The following RBFOX3 variants were observed in gnomAD, a reference collection of about 807,000 sequenced individuals.
RBFOX3 encodes the protein RNA binding fox-1 homolog 3.
Under a neutral mutation model 48.7 loss-of-function variants are expected in RBFOX3, and 17 were observed. That is an observed-to-expected ratio of 0.35 (90% CI 0.24 to 0.52). The LOEUF is 0.52. Among genes scored for constraint, RBFOX3 ranks in the 20% least tolerant of loss-of-function variants. RBFOX3 has a pLI of 0.94. For synonymous variants in RBFOX3, 212 were observed against 209.5 expected, an observed-to-expected ratio of 1.01 and a Z score of -0.10; for missense variants, 382 against 497.5, an observed-to-expected ratio of 0.77 and a Z score of 2.21.
At chr17:79,469,075 A>G (rs1176920474) in intron 2 of RBFOX3, among the ~76,000 whole-genome samples, 4 of 152,188 alleles carry the variant, frequency 2.6e-5, no homozygotes, top group Non-Finnish European at 4.4e-5. Context: ...TGACAGACTG[A>G]CAGATAGATA....
At position 79,418,240 on chromosome 17, in the gene RBFOX3, CA is replaced by C. The variant is rs1471024373; in HGVS notation, c.-175+64213del. ...TGTTATGCATATTTTACCACAACGA[CA>C]AAAAGTTTTTTCCAATCGCAGGGAT... On this transcript the variant is annotated intron_variant, in intron 2 of 14. Transcript: ENST00000693108. The surrounding 1 kb of genome is among the most constrained non-coding windows in gnomAD (Gnocchi z 5.0). Among the ~76,000 whole-genome samples the C allele has an allele frequency of 6.6e-6, 1 of 152,230 alleles. No individual in the cohort carries two copies. Among genetic ancestry groups the C allele is most frequent in the African/African-American group, 2.4e-5 (1 of 41,452 alleles).
At chr17:79,181,561 G>A (rs867554806) in intron 4 of RBFOX3, among the ~76,000 whole-genome samples, 4 of 152,332 alleles carry the variant, frequency 2.6e-5, no homozygotes, top group Middle Eastern at 6.8e-3. Context: ...GGAGTCCCCA[G>A]ATGTCACAGG....
intron 2 of RBFOX3, among the ~76,000 whole-genome samples, chr17:79,437,536 C>G (rs1555731934): frequency 1.3e-5 from 2 of 152,208 alleles, no homozygotes; most frequent in East Asian, 1.9e-4. Flanking sequence ...CCCGGGACAC[C>G]CGGTAGGAGC....
At chr17:79,408,419 A>G (rs926737802) in intron 2 of RBFOX3, among the ~76,000 whole-genome samples, 2 of 152,206 alleles carry the variant, frequency 1.3e-5, no homozygotes, top group African/African-American at 4.8e-5. Context: ...AGGCTGGAGC[A>G]ACCAGCGGGC....
chr17:79,200,153 A>C (rs1599939401), intron 4 of RBFOX3, among the ~76,000 whole-genome samples: 3 of 103,268 alleles, frequency 2.9e-5, no homozygotes, highest in South Asian at 7.3e-4. Flanking sequence ...ACAGAGCGAG[A>C]CTCCGTCTCA....
At position 79,103,098 on chromosome 17, in the gene RBFOX3, G is replaced by A. The variant is rs1190915362; in HGVS notation, c.507+64C>T. On this transcript the variant is annotated intron_variant, in intron 8 of 14. Coordinates refer to ENST00000693108, the MANE Select transcript of RBFOX3 (RefSeq NM_001350451.2). This position sits in a 1 kb window ranked among gnomAD's most constrained non-coding sequence, Gnocchi z 6.1. Reference sequence around the variant, plus strand: ...CGGCAGTGGCAGGGCTGGTTGGTTGGGGGAGCTGGGGGGCAGGTGGGCGAT... The same window carrying A: ...CGGCAGTGGCAGGGCTGGTTGGTTGAGGGAGCTGGGGGGCAGGTGGGCGAT... 34 of 1,248,618 alleles carry A rather than the reference G, an allele frequency of 2.7e-5. No individual in the cohort carries two copies. Among genetic ancestry groups the A allele is most frequent in the South Asian group, 2.3e-4 (18 of 77,118 alleles). The allele number at this position is 1,248,618 out of a possible 1,614,324, so 77.3% of individuals were successfully genotyped here. A position where few individuals can be genotyped will look rare whatever the true frequency, so the allele number is the denominator to read the frequency against.
chr17:79,393,937 A>G (rs527510066), intron 2 of RBFOX3, among the ~76,000 whole-genome samples: 1 of 110,490 alleles, frequency 9.1e-6, no homozygotes, highest in African/African-American at 3.1e-5. Context: ...GCCGGTCATC[A>G]TACACATCAT....
chr17:79,411,618 G>A (rs143835697), intron 2 of RBFOX3, among the ~76,000 whole-genome samples: 49 of 152,152 alleles, frequency 3.2e-4, no homozygotes, highest in Middle Eastern at 6.8e-3. Context: ...CGGTCCCCAC[G>A]CCCCCACCTG....
chr17:79,269,590 C>G (rs4789983), intron 3 of RBFOX3, among the ~76,000 whole-genome samples: 13,179 of 151,538 alleles, frequency 0.087, 963 homozygotes, highest in East Asian at 0.43. Flanking sequence ...CCCTGGGGAT[C>G]GTCCCATCCA....
intron 2 of RBFOX3, among the ~76,000 whole-genome samples, chr17:79,417,338 C>A (rs1366039497): frequency 6.6e-6 from 1 of 152,180 alleles, no homozygotes; most frequent in East Asian, 1.9e-4. Flanking sequence ...AAAGAAGGGG[C>A]CTGGCTCTGC....
At chr17:79,509,718 G>A (rs985260033) in intron 1 of RBFOX3, among the ~76,000 whole-genome samples, 2 of 151,750 alleles carry the variant, frequency 1.3e-5, no homozygotes, top group Non-Finnish European at 1.5e-5. Flanking sequence ...CCAGGCCCTC[G>A]GTGACAGCTG....
In RBFOX3 at chr17:79,115,542, T is replaced by C. The variant is rs1006997013; in HGVS notation, c.174A>G (p.Pro58=). 4 of 1,343,998 alleles carry C rather than the reference T, an allele frequency of 3.0e-6. No individual in the cohort carries two copies. The highest frequency in any genetic ancestry group is 3.8e-6 in the Non-Finnish European group (4 of 1,045,200). The allele number at this position is 1,343,998 out of a possible 1,614,324, so 83.3% of individuals were successfully genotyped here. ...TGGGCTGTGTGCTGGCCTCGGAGCC[T>C]GGCTGCTCGGGGTGGGTCTGTGCTG... is the stretch of plus-strand genomic sequence containing the variant. ...YTPAQTHPEQ[P]GSEASTQPIA... is the part of the protein sequence containing the mutation. The change falls in exon 5 of 15, where the codon CCA becomes CCG. Residue 58 remains proline, a synonymous_variant. Coordinates refer to ENST00000693108, the MANE Select transcript of RBFOX3 (RefSeq NM_001350451.2).
chr17:79,117,107 C>T (rs910033324), intron 4 of RBFOX3, among the ~76,000 whole-genome samples: 1 of 152,180 alleles, frequency 6.6e-6, no homozygotes, highest in African/African-American at 2.4e-5. Flanking sequence ...CTCCTCCACT[C>T]GCTGTCCTCC....
At chr17:79,367,096 C>T (rs946946663) in intron 2 of RBFOX3, among the ~76,000 whole-genome samples, 5 of 152,306 alleles carry the variant, frequency 3.3e-5, no homozygotes, top group South Asian at 2.1e-4. Flanking sequence ...CTGCTGCCCT[C>T]GCTCCCACAT....
In RBFOX3 at chr17:79,220,837, G is replaced by C. The variant is rs1304774886; in HGVS notation, c.-34+14929C>G. ...AAGCAGCTCCTGCAGAGGCGGGGCG[G>C]CTCTCCAGGCCTGGAGCGTGGGCCA... On this transcript the variant is annotated intron_variant, in intron 4 of 14. Coordinates refer to ENST00000693108, the MANE Select transcript of RBFOX3 (RefSeq NM_001350451.2). The surrounding 1 kb of genome is among the most constrained non-coding windows in gnomAD (Gnocchi z 5.9). 1.3e-5 allele frequency among the ~76,000 whole-genome samples: 2 copies of C among 152,082 alleles called. No homozygotes were observed. Among genetic ancestry groups the C allele is most frequent in the Non-Finnish European group, 2.9e-5 (2 of 68,018 alleles).
intron 2 of RBFOX3, among the ~76,000 whole-genome samples, chr17:79,459,362 C>G (rs1431836692): frequency 6.6e-6 from 1 of 152,184 alleles, no homozygotes; most frequent in African/African-American, 2.4e-5. Context: ...GTTCAGGACT[C>G]TCTTCCCTCC....
Position 79,535,301 on chromosome 17 carries a change from A to G in RBFOX3, c.-319-52703T>C. Reference sequence around the variant, plus strand: ...TCCCGTCCTCCCTTTCCTGAAAGACACTCTCTTTGACTCATTGGCCAGATC... The same window carrying G: ...TCCCGTCCTCCCTTTCCTGAAAGACGCTCTCTTTGACTCATTGGCCAGATC... On this transcript the variant is annotated intron_variant, in intron 1 of 14. Coordinates refer to ENST00000693108, the MANE Select transcript of RBFOX3 (RefSeq NM_001350451.2). This position sits in a 1 kb window ranked among gnomAD's most constrained non-coding sequence, Gnocchi z 4.5. Among the ~76,000 whole-genome samples, 1 of 151,864 alleles carries G rather than the reference A, an allele frequency of 6.6e-6. No homozygotes were observed. Among genetic ancestry groups the G allele is most frequent in the East Asian group, 1.9e-4 (1 of 5,182 alleles).
chr17:79,329,524 A>G (rs1214265789), intron 2 of RBFOX3, among the ~76,000 whole-genome samples: 1 of 152,108 alleles, frequency 6.6e-6, no homozygotes, highest in Non-Finnish European at 1.5e-5. Flanking sequence ...TTCCTTCATT[A>G]AAGGGCCACT....
chr17:79,519,241 G>A (rs888696833), intron 1 of RBFOX3, among the ~76,000 whole-genome samples: 3 of 152,214 alleles, frequency 2.0e-5, no homozygotes, highest in Non-Finnish European at 4.4e-5. Flanking sequence ...CTGGGAGCCT[G>A]CACACCCCAC....
Sources: allele counts gnomAD v4.1 joint callset (sites outside exome capture counted in the v4.1 genomes callset), GRCh38; gene constraint gnomAD v4.1.1; non-coding constraint Gnocchi (gnomAD v3.1); transcripts MANE v1.5; gene names NCBI Gene and HGNC (gene_info 2026-07-23, HGNC 2026-07-21).